The following TTC28 variants were observed in gnomAD, a reference collection of about 807,000 sequenced individuals.
TTC28 encodes the protein tetratricopeptide repeat domain 28.
A neutral mutation model predicts 198.0 loss-of-function variants in TTC28; 61 were observed. The ratio of observed to expected loss-of-function variants is 0.31; its 90% CI spans 0.25 to 0.38. The LOEUF (loss-of-function observed/expected upper bound fraction) is 0.38, where lower values mean the gene tolerates loss of function less well. TTC28 is among the 10% of genes least tolerant of loss of function. The pLI, the probability that TTC28 is intolerant of heterozygous loss-of-function variation, is 1.00. For synonymous variants in TTC28, 1,171 were observed against 1,297.8 expected (o/e 0.90, Z 2.10); for missense variants, 2,678 against 3,164.0 (o/e 0.85, Z 3.69).
chr22:27,985,231 C>T lies in TTC28; in HGVS notation c.5815+18G>A, dbSNP rs1251879526. On this transcript the variant is annotated intron_variant, in intron 22 of 22. Transcript: ENST00000397906. The stretch of plus-strand genomic sequence containing the variant: ...TGGCAGGCCCTGGTGGAGAACTGGT[C>T]TGAGGGCAGGCTCTTACCAAACAGA... 4 of 1,540,412 alleles carry T rather than the reference C, an allele frequency of 2.6e-6. No individual in the cohort carries two copies. The highest frequency in any genetic ancestry group is 1.4e-5 in the African/African-American group (1 of 72,940).
intron 12 of TTC28, among the ~76,000 whole-genome samples, chr22:28,066,215 A>G (rs1260205976): frequency 1.3e-5 from 2 of 152,250 alleles, no homozygotes; most frequent in South Asian, 4.2e-4. Context: ...TATATACTGT[A>G]AAATGATTAT....
chr22:28,078,811 C>T (rs1478217425), intron 12 of TTC28, among the ~76,000 whole-genome samples: 1 of 152,176 alleles, frequency 6.6e-6, no homozygotes, highest in Non-Finnish European at 1.5e-5. Context: ...AAACTAACAA[C>T]GGAGCTTCTG....
intron 2 of TTC28, among the ~76,000 whole-genome samples, chr22:28,320,728 G>C (rs2045432822): frequency 6.6e-6 from 1 of 152,210 alleles, no homozygotes; most frequent in African/African-American, 2.4e-5. Flanking sequence ...ATCTAAGAGA[G>C]AGAAACAATT....
At chr22:28,068,529 C>T (rs925885397) in intron 12 of TTC28, among the ~76,000 whole-genome samples, 8 of 152,120 alleles carry the variant, frequency 5.3e-5, no homozygotes, top group Non-Finnish European at 1.2e-4. Context: ...TTAGTCTCAG[C>T]GGGCAAGGAG....
At chr22:28,104,629 A>G (rs75694068) in intron 8 of TTC28, among the ~76,000 whole-genome samples, 83 of 152,268 alleles carry the variant, frequency 5.5e-4, no homozygotes, top group African/African-American at 1.9e-3. Context: ...GGAAGCATCC[A>G]AGGTCCAACT....
intron 12 of TTC28, among the ~76,000 whole-genome samples, chr22:28,059,892 G>A (rs1013952292): frequency 7.3e-6 from 1 of 136,338 alleles, no homozygotes; most frequent in Non-Finnish European, 1.7e-5. Context: ...TATGATTACC[G>A]TTTACATGGT....
chr22:28,248,483 G>A (rs1476730027), intron 5 of TTC28, among the ~76,000 whole-genome samples: 1 of 152,112 alleles, frequency 6.6e-6, no homozygotes, highest in African/African-American at 2.4e-5. Context: ...AAAATATTGT[G>A]AAGATAACCA....
At chr22:28,441,562 T>C (rs1377724101) in intron 2 of TTC28, among the ~76,000 whole-genome samples, 2 of 152,192 alleles carry the variant, frequency 1.3e-5, no homozygotes, top group African/African-American at 2.4e-5. Flanking sequence ...GAGGACAAAA[T>C]GCCATCAATT....
intron 2 of TTC28, among the ~76,000 whole-genome samples, chr22:28,410,277 T>A (rs1601357971): frequency 6.6e-6 from 1 of 152,196 alleles, no homozygotes; most frequent in African/African-American, 2.4e-5. Flanking sequence ...CATATGATAA[T>A]CTTTCAATGA....
At chr22:28,184,126 G>C (rs1384638850) in intron 5 of TTC28, among the ~76,000 whole-genome samples, 2 of 152,056 alleles carry the variant, frequency 1.3e-5, no homozygotes, top group Non-Finnish European at 2.9e-5. Context: ...CTATAAAATG[G>C]GGGTAATGAT....
intron 2 of TTC28, among the ~76,000 whole-genome samples, chr22:28,524,319 G>A (rs5762668): frequency 1.3e-5 from 2 of 151,454 alleles, no homozygotes; most frequent in African/African-American, 4.9e-5. Context: ...AATTGGCCGG[G>A]CATGGTGGCG....
chr22:28,462,715 G>A (rs1568959352), intron 2 of TTC28, among the ~76,000 whole-genome samples: 1 of 152,172 alleles, frequency 6.6e-6, no homozygotes, highest in Non-Finnish European at 1.5e-5. Flanking sequence ...CCTGTAGTAA[G>A]AGAAGATTGG....
At chr22:28,063,530 C>T (rs1260496030) in intron 12 of TTC28, among the ~76,000 whole-genome samples, 2 of 152,178 alleles carry the variant, frequency 1.3e-5, no homozygotes, top group African/African-American at 4.8e-5. Context: ...TTTCCCCCAC[C>T]CTGCCCCACT....
At chr22:28,384,454 T>C (rs1028227855) in intron 2 of TTC28, among the ~76,000 whole-genome samples, 3 of 152,172 alleles carry the variant, frequency 2.0e-5, no homozygotes, top group African/African-American at 7.2e-5. Flanking sequence ...ATCATCATCT[T>C]CCATACAGTA....
chr22:28,594,739 T>C (rs1233074867), intron 2 of TTC28, among the ~76,000 whole-genome samples: 2 of 152,172 alleles, frequency 1.3e-5, no homozygotes, highest in African/African-American at 4.8e-5. Flanking sequence ...AGGAAAACTC[T>C]TGAATACAAG....
At chr22:28,146,333 G>T (rs1393845335) in intron 6 of TTC28, among the ~76,000 whole-genome samples, 1 of 152,214 alleles carries the variant, frequency 6.6e-6, no homozygotes, top group Non-Finnish European at 1.5e-5. Flanking sequence ...CTTAGTAAAG[G>T]ATTTAGCACA....
chr22:28,330,149 A>G (rs1045352194), intron 2 of TTC28, among the ~76,000 whole-genome samples: 2 of 152,222 alleles, frequency 1.3e-5, no homozygotes, highest in African/African-American at 2.4e-5. Context: ...AGCAGTTCCT[A>G]TATAACTAGA....
chr22:28,147,350 C>T (rs1039045053), intron 6 of TTC28, among the ~76,000 whole-genome samples: 1 of 152,148 alleles, frequency 6.6e-6, no homozygotes, highest in Non-Finnish European at 1.5e-5. Context: ...TGAGCAGCCA[C>T]GTTTCCACCT....
chr22:28,612,236 T>C (rs181082137), intron 2 of TTC28, among the ~76,000 whole-genome samples: 2 of 152,202 alleles, frequency 1.3e-5, no homozygotes, highest in African/African-American at 4.8e-5. Flanking sequence ...AAGAAGGCCA[T>C]TACGAAATGG....
Sources: allele counts gnomAD v4.1 joint callset (sites outside exome capture counted in the v4.1 genomes callset), GRCh38; gene constraint gnomAD v4.1.1; transcripts MANE v1.5; gene names NCBI Gene and HGNC (gene_info 2026-07-23, HGNC 2026-07-21).